GRID1: variants seen among roughly 807,000 people sequenced by gnomAD.
The protein encoded by GRID1 is glutamate ionotropic receptor delta type subunit 1.
Under a neutral mutation model 98.0 loss-of-function variants are expected in GRID1, and 28 were observed. The observed-to-expected ratio is 0.29, with a 90% CI of 0.21 to 0.39. The LOEUF (loss-of-function observed/expected upper bound fraction) is 0.39. Ranked by LOEUF, GRID1 falls within the 10% of genes least tolerant of loss-of-function variation. The pLI is 1.00. For missense variants in GRID1, 1,111 were observed against 1,340.5 expected (o/e 0.83, Z 2.67); for synonymous variants, 553 against 538.5 (o/e 1.03, Z -0.37).
chr10:85,630,293 T>A (rs1393000254), intron 13 of GRID1, among the ~76,000 whole-genome samples: 1 of 152,178 alleles, frequency 6.6e-6, no homozygotes, highest in African/African-American at 2.4e-5. Flanking sequence ...CTGAGCTGAA[T>A]GCCCTCACCT....
chr10:86,354,623 A>G (rs1330140875), intron 2 of GRID1, among the ~76,000 whole-genome samples: 1 of 152,218 alleles, frequency 6.6e-6, no homozygotes, highest in Non-Finnish European at 1.5e-5. Flanking sequence ...TCAAGACCAC[A>G]CAGATAATCA....
intron 4 of GRID1, among the ~76,000 whole-genome samples, chr10:85,961,680 C>T (rs1012437938): frequency 6.6e-6 from 1 of 151,760 alleles, no homozygotes; most frequent in Non-Finnish European, 1.5e-5. Context: ...TTCTCTCCTT[C>T]CTTTTTTCCT....
intron 12 of GRID1, among the ~76,000 whole-genome samples, chr10:85,667,337 A>G (rs1841032939): frequency 6.6e-6 from 1 of 152,116 alleles, no homozygotes; most frequent in Non-Finnish European, 1.5e-5. Context: ...AGAGAGAGAG[A>G]GAGAGAGAGA....
chr10:85,884,949 T>C (rs1185349323), intron 5 of GRID1, among the ~76,000 whole-genome samples: 1 of 151,812 alleles, frequency 6.6e-6, no homozygotes, highest in East Asian at 1.9e-4. Flanking sequence ...CATATCCTTT[T>C]TACCAGTCAT....
intron 4 of GRID1, among the ~76,000 whole-genome samples, chr10:86,114,367 A>G (rs1404600522): frequency 1.3e-5 from 2 of 152,148 alleles, no homozygotes; most frequent in Non-Finnish European, 2.9e-5. Context: ...GAGAGGTGGC[A>G]GTCAGGGAAC....
intron 4 of GRID1, among the ~76,000 whole-genome samples, chr10:85,979,115 T>C (rs557667823): frequency 7.9e-5 from 12 of 152,082 alleles, no homozygotes; most frequent in African/African-American, 2.9e-4. Context: ...TTTCTGGAGG[T>C]CTGGCTGCAC....
intron 12 of GRID1, among the ~76,000 whole-genome samples, chr10:85,715,149 T>C (rs1841624343): frequency 6.6e-6 from 1 of 152,150 alleles, no homozygotes; most frequent in Non-Finnish European, 1.5e-5. Flanking sequence ...GACAGTCTCT[T>C]TAGTAAATGA....
At chr10:85,693,203 G>C (rs931748887) in intron 12 of GRID1, among the ~76,000 whole-genome samples, 3 of 152,166 alleles carry the variant, frequency 2.0e-5, no homozygotes, top group Non-Finnish European at 4.4e-5. Flanking sequence ...GATTTAGGGG[G>C]TAGAATGGAT....
intron 8 of GRID1, among the ~76,000 whole-genome samples, chr10:85,769,341 G>T (rs759945626): frequency 6.6e-6 from 1 of 152,238 alleles, no homozygotes; most frequent in Non-Finnish European, 1.5e-5. Context: ...GGCAGGAGCT[G>T]GAGCCAAGAT....
At chr10:86,065,011 A>C (rs1230199682) in intron 4 of GRID1, among the ~76,000 whole-genome samples, 10 of 152,136 alleles carry the variant, frequency 6.6e-5, no homozygotes, top group Admixed American at 6.5e-4. Context: ...CCACATTACC[A>C]TGTAGCAGCC....
intron 4 of GRID1, among the ~76,000 whole-genome samples, chr10:86,068,616 A>G (rs1483969202): frequency 1.3e-5 from 2 of 152,204 alleles, no homozygotes; most frequent in African/African-American, 2.4e-5. Flanking sequence ...TAACAGCTTC[A>G]ATAAAGGTAA....
intron 2 of GRID1, among the ~76,000 whole-genome samples, chr10:86,226,705 T>C (rs943369699): frequency 1.4e-5 from 2 of 141,242 alleles, no homozygotes; most frequent in African/African-American, 2.7e-5. Context: ...AGGAGTCACC[T>C]TGGACAAGTG....
At chr10:86,013,052 G>A (rs1212554642) in intron 4 of GRID1, among the ~76,000 whole-genome samples, 1 of 152,142 alleles carries the variant, frequency 6.6e-6, no homozygotes, top group Admixed American at 6.5e-5. Context: ...GGTCAGAGTA[G>A]GGGCTAATGC....
At chr10:85,829,905 A>T (rs898000830) in intron 8 of GRID1, among the ~76,000 whole-genome samples, 1 of 152,188 alleles carries the variant, frequency 6.6e-6, no homozygotes, top group African/African-American at 2.4e-5. Flanking sequence ...TACAGATGCA[A>T]TGCTATCCCT....
intron 2 of GRID1, among the ~76,000 whole-genome samples, chr10:86,235,009 C>G (rs545085005): frequency 6.6e-6 from 1 of 152,210 alleles, no homozygotes; most frequent in African/African-American, 2.4e-5. Flanking sequence ...GCTCCACGGA[C>G]GTGCATGCAG....
intron 4 of GRID1, among the ~76,000 whole-genome samples, chr10:86,002,249 A>G (rs1842811025): frequency 6.6e-6 from 1 of 152,230 alleles, no homozygotes; most frequent in East Asian, 1.9e-4. Flanking sequence ...TTCATAGAAA[A>G]TAGACAATGA....
intron 3 of GRID1, among the ~76,000 whole-genome samples, chr10:86,141,498 G>C (rs905773960): frequency 1.3e-5 from 2 of 152,202 alleles, no homozygotes; most frequent in African/African-American, 2.4e-5. Context: ...TCATCAGCTG[G>C]AGGACATCTC....
intron 4 of GRID1, among the ~76,000 whole-genome samples, chr10:86,035,964 GCC>G (rs765867558): frequency 2.0e-5 from 3 of 152,158 alleles, no homozygotes; most frequent in Non-Finnish European, 2.9e-5. Context: ...GCCCCCTGCA[GCC>G]CACCTCAAGT....
chr10:86,171,337 G>A lies in GRID1; in HGVS notation c.521-32313C>T, dbSNP rs1378514044. Among the ~76,000 whole-genome samples the A allele has an allele frequency of 1.3e-4, 20 of 152,220 alleles. 1 individual carries two copies. The highest frequency in any genetic ancestry group is 1.3e-3 in the Admixed American group (20 of 15,284). On this transcript the variant is annotated intron_variant, in intron 3 of 15. Coordinates refer to ENST00000327946, the MANE Select transcript of GRID1 (RefSeq NM_017551.3). Reference sequence around the variant, plus strand: ...GTATGCAAGCCTGAAAGTTGGAAAGGAAGAAAATCCCCAAGTGCAAGGCCA... The same window carrying A: ...GTATGCAAGCCTGAAAGTTGGAAAGAAAGAAAATCCCCAAGTGCAAGGCCA...
Sources: allele counts gnomAD v4.1 joint callset (sites outside exome capture counted in the v4.1 genomes callset), GRCh38; gene constraint gnomAD v4.1.1; transcripts MANE v1.5; gene names NCBI Gene and HGNC (gene_info 2026-07-23, HGNC 2026-07-21).